The following HTR1E variants were observed in gnomAD, a reference collection of about 807,000 sequenced individuals.
HTR1E encodes the protein 5-HT-1E.
In HTR1E, 3 loss-of-function variants were observed where a neutral mutation model predicts 3.4. The ratio of observed to expected loss-of-function variants is 0.89; its 90% CI spans 0.41 to 2.31. The LOEUF (loss-of-function observed/expected upper bound fraction) is 2.31. Among genes scored for constraint, HTR1E ranks in the 30% most tolerant of loss-of-function variants. The pLI is 0.05. For missense variants in HTR1E, 392 were observed against 467.0 expected, an observed-to-expected ratio of 0.84 and a Z score of 1.48; for synonymous variants, 170 against 182.8, an observed-to-expected ratio of 0.93 and a Z score of 0.56.
chr6:86,989,084 T>C (rs1411253520), intron 1 of HTR1E, among the ~76,000 whole-genome samples: 1 of 152,208 alleles, frequency 6.6e-6, no homozygotes. Context: ...TACTTCTTTC[T>C]TGGAACTGAA....
chr6:86,957,279 C>T (rs1415487939), intron 1 of HTR1E, among the ~76,000 whole-genome samples: 1 of 152,174 alleles, frequency 6.6e-6, no homozygotes, highest in African/African-American at 2.4e-5. Context: ...TTTTCCCTGC[C>T]TTCTGAGGTG....
At chr6:86,997,695 C>A (rs1218762404) in intron 1 of HTR1E, among the ~76,000 whole-genome samples, 1 of 151,512 alleles carries the variant, frequency 6.6e-6, no homozygotes, top group Non-Finnish European at 1.5e-5. Context: ...TCAAAAAAGG[C>A]TTGGACAAAT....
At chr6:86,987,174 C>A (rs1767800889) in intron 1 of HTR1E, among the ~76,000 whole-genome samples, 1 of 152,136 alleles carries the variant, frequency 6.6e-6, no homozygotes, top group Non-Finnish European at 1.5e-5. Flanking sequence ...TCATGCTGAG[C>A]CCATGTGCAA....
chr6:86,984,949 C>G (rs1242736061), intron 1 of HTR1E, among the ~76,000 whole-genome samples: 2 of 152,100 alleles, frequency 1.3e-5, no homozygotes, highest in Admixed American at 6.5e-5. Flanking sequence ...ACAAGGAGCA[C>G]AAGTTTTGGT....
intron 1 of HTR1E, among the ~76,000 whole-genome samples, chr6:86,957,178 G>A (rs1051112397): frequency 6.6e-6 from 1 of 152,172 alleles, no homozygotes; most frequent in African/African-American, 2.4e-5. Flanking sequence ...AGATGGTTTG[G>A]GGCATCTAGG....
At chr6:86,971,010 G>T in intron 1 of HTR1E, 1 of 459,692 alleles carries the variant, frequency 2.2e-6, no homozygotes, top group Non-Finnish European at 4.2e-6. Flanking sequence ...TCTGCTTGGA[G>T]GATCTGATTC....
chr6:86,995,554 T>C (rs1022397196), intron 1 of HTR1E, among the ~76,000 whole-genome samples: 3 of 149,424 alleles, frequency 2.0e-5, no homozygotes, highest in African/African-American at 2.5e-5. Flanking sequence ...TAATCCCAGC[T>C]ACTCGGAAGG....
At chr6:87,001,289 G>A (rs1378065428) in intron 1 of HTR1E, among the ~76,000 whole-genome samples, 2 of 152,160 alleles carry the variant, frequency 1.3e-5, no homozygotes, top group African/African-American at 4.8e-5. Flanking sequence ...ATCAAAAAAT[G>A]GCAAGAGTAA....
intron 1 of HTR1E, among the ~76,000 whole-genome samples, chr6:86,960,017 G>C (rs949875978): frequency 6.6e-6 from 1 of 152,168 alleles, no homozygotes; most frequent in Non-Finnish European, 1.5e-5. Context: ...ATCTAAATAA[G>C]CAAACTGAAG....
intron 1 of HTR1E, among the ~76,000 whole-genome samples, chr6:86,969,834 G>C (rs1322687775): frequency 6.6e-6 from 1 of 152,180 alleles, no homozygotes; most frequent in Non-Finnish European, 1.5e-5. Flanking sequence ...GGATTGGCAT[G>C]TGCCCAAGGA....
At chr6:87,007,944 T>G (rs555919134) in intron 1 of HTR1E, among the ~76,000 whole-genome samples, 2 of 150,906 alleles carry the variant, frequency 1.3e-5, no homozygotes, top group Non-Finnish European at 2.9e-5. Flanking sequence ...AAAAAAAAAA[T>G]TAAACTCTTC....
intron 1 of HTR1E, among the ~76,000 whole-genome samples, chr6:86,997,096 G>C (rs1767950849): frequency 6.6e-6 from 1 of 151,878 alleles, no homozygotes; most frequent in South Asian, 2.1e-4. Context: ...AAAATCACAT[G>C]ATGATATCAA....
At chr6:86,961,415 A>G (rs1057137864) in intron 1 of HTR1E, among the ~76,000 whole-genome samples, 1 of 152,260 alleles carries the variant, frequency 6.6e-6, no homozygotes, top group Non-Finnish European at 1.5e-5. Flanking sequence ...CCATTCTTAC[A>G]CATCCCATTT....
At chr6:86,968,975 T>C (rs1408450) in intron 1 of HTR1E, among the ~76,000 whole-genome samples, 2,823 of 152,232 alleles carry the variant, frequency 0.019, 111 homozygotes, top group East Asian at 0.15. Flanking sequence ...GGTAGGGATC[T>C]AACTTTATTT....
chr6:86,968,590 A>G (rs1767506664), intron 1 of HTR1E, among the ~76,000 whole-genome samples: 1 of 152,250 alleles, frequency 6.6e-6, no homozygotes. Context: ...TTCATAGTTT[A>G]ACAAAAACAT....
chr6:87,007,269 T>G (rs1562073268), intron 1 of HTR1E, among the ~76,000 whole-genome samples: 1 of 151,954 alleles, frequency 6.6e-6, no homozygotes, highest in Non-Finnish European at 1.5e-5. Context: ...GGAGCTAAAA[T>G]TTAAAACAAT....
At chr6:87,007,325 G>C (rs1327655085) in intron 1 of HTR1E, among the ~76,000 whole-genome samples, 1 of 152,200 alleles carries the variant, frequency 6.6e-6, no homozygotes, top group Non-Finnish European at 1.5e-5. Context: ...CAGAGGCTGG[G>C]AAGGGTAGTT....
At chr6:87,000,590 C>T (rs1768006736) in intron 1 of HTR1E, among the ~76,000 whole-genome samples, 3 of 152,162 alleles carry the variant, frequency 2.0e-5, no homozygotes, top group African/African-American at 7.2e-5. Context: ...GAGAGAGTGG[C>T]ATGACATATG....
chr6:87,005,928 A>T (rs1020402050), intron 1 of HTR1E, among the ~76,000 whole-genome samples: 2 of 152,216 alleles, frequency 1.3e-5, no homozygotes, highest in African/African-American at 4.8e-5. Flanking sequence ...CAGGCAAAAG[A>T]TTTGAATACA....
Sources: allele counts gnomAD v4.1 joint callset (sites outside exome capture counted in the v4.1 genomes callset), GRCh38; gene constraint gnomAD v4.1.1; transcripts MANE v1.5; gene names NCBI Gene and HGNC (gene_info 2026-07-23, HGNC 2026-07-21).